TMTC2: variants seen among roughly 807,000 people sequenced by gnomAD.
TMTC2 encodes protein O-mannosyl-transferase TMTC2.
A neutral mutation model predicts 82.4 loss-of-function variants in TMTC2; 43 were observed. That is an observed-to-expected ratio of 0.52 (90% CI 0.41 to 0.67). The LOEUF is 0.67. TMTC2 is among the 30% of genes least tolerant of loss of function. TMTC2 has a pLI of 0.00. For synonymous variants in TMTC2, 408 were observed against 381.9 expected (o/e 1.07, Z -0.80); for missense variants, 919 against 1,012.4 (o/e 0.91, Z 1.25).
intron 2 of TMTC2, among the ~76,000 whole-genome samples, chr12:82,888,156 C>T (rs1873200242): frequency 6.6e-6 from 1 of 152,086 alleles, no homozygotes. Flanking sequence ...GTTTTGTGAA[C>T]AATTAGGTGA....
rs538119241 is a variant in TMTC2 at position 82,858,321 on chromosome 12, C to T, written c.654+741C>T. On this transcript the variant is annotated intron_variant, in intron 2 of 11. Coordinates refer to ENST00000321196, the MANE Select transcript of TMTC2 (RefSeq NM_152588.3). ...GCATTAAGGAGAGGCATTGAGCGGA[C>T]GGGGCATCTTGAGAAATTGTCTGCC... Among the ~76,000 whole-genome samples the T allele has an allele frequency of 2.6e-5, 4 of 152,312 alleles. 1 individual carries two copies. Among genetic ancestry groups the T allele is most frequent in the Middle Eastern group, 3.4e-3 (1 of 294 alleles).
intron 8 of TMTC2, among the ~76,000 whole-genome samples, chr12:83,021,233 CT>C (rs2137403819): frequency 6.6e-6 from 1 of 152,152 alleles, no homozygotes; most frequent in South Asian, 2.1e-4. Context: ...ATTCTTATGT[CT>C]TGCCAATTCT....
chr12:83,013,258 A>G (rs1880539536), intron 8 of TMTC2, among the ~76,000 whole-genome samples: 1 of 152,182 alleles, frequency 6.6e-6, no homozygotes, highest in South Asian at 2.1e-4. Flanking sequence ...TTAATCGATT[A>G]GTTATTATTA....
intron 1 of TMTC2, among the ~76,000 whole-genome samples, chr12:82,725,417 A>G (rs1422605714): frequency 6.6e-6 from 1 of 152,206 alleles, no homozygotes; most frequent in Non-Finnish European, 1.5e-5. Flanking sequence ...TTGAAATTAC[A>G]GTTTATGAAT....
intron 4 of TMTC2, among the ~76,000 whole-genome samples, chr12:82,938,251 T>G (rs1406812598): frequency 6.6e-6 from 1 of 152,006 alleles, no homozygotes; most frequent in Non-Finnish European, 1.5e-5. Context: ...TGAGAGATGT[T>G]CTTGAAAATT....
chr12:82,910,733 T>G (rs2137208391), intron 3 of TMTC2, among the ~76,000 whole-genome samples: 1 of 152,286 alleles, frequency 6.6e-6, no homozygotes, highest in East Asian at 1.9e-4. Context: ...CCGGCCAAAC[T>G]CTGCCTCATT....
At chr12:82,866,642 C>T (rs1871882141) in intron 2 of TMTC2, among the ~76,000 whole-genome samples, 1 of 152,086 alleles carries the variant, frequency 6.6e-6, no homozygotes, top group African/African-American at 2.4e-5. Context: ...GAGGGGGATC[C>T]GATGGATATC....
intron 7 of TMTC2, among the ~76,000 whole-genome samples, chr12:82,967,848 C>G (rs567375984): frequency 5.9e-5 from 9 of 152,196 alleles, no homozygotes; most frequent in Non-Finnish European, 7.4e-5. Context: ...TTTAATATTT[C>G]TAGTCCTCTC....
intron 4 of TMTC2, among the ~76,000 whole-genome samples, chr12:82,942,268 G>GA (rs1054818157): frequency 1.2e-4 from 18 of 152,196 alleles, no homozygotes; most frequent in Admixed American, 1.0e-3. Flanking sequence ...TTGTTAATCA[G>GA]AAAAAATTAA....
In TMTC2 at chr12:82,946,615, T is replaced by C. The variant is rs141719152; in HGVS notation, c.1598+16070T>C. 8.3e-3 allele frequency among the ~76,000 whole-genome samples: 1,263 copies of C among 152,298 alleles called. 21 individuals carry two copies. The highest frequency in any genetic ancestry group is 0.029 in the African/African-American group (1,203 of 41,548). ...GGGTAAAAGTGATGCCATCTTGCTA[T>C]TCTGATAATAAGGAGGACAGTGTGA... On this transcript the variant is annotated intron_variant, in intron 4 of 11. Transcript: ENST00000321196.
chr12:82,825,755 C>T (rs1254328408), intron 1 of TMTC2, among the ~76,000 whole-genome samples: 1 of 151,988 alleles, frequency 6.6e-6, no homozygotes, highest in African/African-American at 2.4e-5. Context: ...AACAAATTTT[C>T]CTGTGGTAAG....
Position 82,857,119 on chromosome 12 carries a change from T to C in TMTC2, c.193T>C (p.Tyr65His), listed in dbSNP as rs1362807923. Residue 65 changes from tyrosine (Y) to histidine (H), a missense_variant, in exon 2 of 12, where the codon TAC (tyrosine) becomes CAC (histidine). Physicochemically the swap from Tyr to His is moderately conservative, Grantham distance 83. Transcript: ENST00000321196. ...LLTHSGSHKS[Y>H]RPLCTLSFRL... The stretch of plus-strand genomic sequence containing the variant: ...AACCCACAGTGGCAGCCACAAGTCC[T>C]ACCGGCCACTCTGCACTCTTTCTTT... The C allele has an allele frequency of 6.2e-7, 1 of 1,614,188 alleles. No individual in the cohort carries two copies. Among genetic ancestry groups the C allele is most frequent in the Non-Finnish European group, 8.5e-7 (1 of 1,180,040 alleles).
At chr12:83,121,911 T>A (rs1179751436) in intron 11 of TMTC2, among the ~76,000 whole-genome samples, 1 of 152,148 alleles carries the variant, frequency 6.6e-6, no homozygotes, top group Non-Finnish European at 1.5e-5. Flanking sequence ...TGCTGTGTCA[T>A]GCAGGTTGTC....
At chr12:82,754,662 G>C (rs1876202643) in intron 1 of TMTC2, among the ~76,000 whole-genome samples, 1 of 152,086 alleles carries the variant, frequency 6.6e-6, no homozygotes. Context: ...GCTTGAACCT[G>C]TGAGGCAGAG....
chr12:82,803,063 T>G (rs370850045), intron 1 of TMTC2, among the ~76,000 whole-genome samples: 1 of 152,126 alleles, frequency 6.6e-6, no homozygotes, highest in African/African-American at 2.4e-5. Context: ...CAAAGATGAC[T>G]CCCATGTTTT....
chr12:82,773,385 A>C (rs1241289590), intron 1 of TMTC2, among the ~76,000 whole-genome samples: 10 of 152,020 alleles, frequency 6.6e-5, no homozygotes, highest in Admixed American at 6.6e-4. Flanking sequence ...TTGCCTAGGT[A>C]GTGGTTTGTG....
chr12:82,884,560 T>G (rs1361125080), intron 2 of TMTC2, among the ~76,000 whole-genome samples: 2 of 152,220 alleles, frequency 1.3e-5, no homozygotes, highest in Non-Finnish European at 2.9e-5. Flanking sequence ...CTCATCTACA[T>G]TTAATTTCAT....
chr12:83,024,710 A>C (rs185075436), intron 8 of TMTC2, among the ~76,000 whole-genome samples: 1 of 152,326 alleles, frequency 6.6e-6, no homozygotes, highest in Non-Finnish European at 1.5e-5. Context: ...TCACCAATTA[A>C]GATACAAATA....
chr12:82,745,838 T>C (rs1179825512), intron 1 of TMTC2, among the ~76,000 whole-genome samples: 1 of 152,216 alleles, frequency 6.6e-6, no homozygotes, highest in East Asian at 1.9e-4. Context: ...TCGAGGAATA[T>C]AATGCACGTT....
Sources: allele counts gnomAD v4.1 joint callset (sites outside exome capture counted in the v4.1 genomes callset), GRCh38; gene constraint gnomAD v4.1.1; transcripts MANE v1.5; gene names NCBI Gene and HGNC (gene_info 2026-07-23, HGNC 2026-07-21).